DLGAP2: variants seen among roughly 807,000 people sequenced by gnomAD.
DLGAP2 encodes the protein DLG associated protein 2, also known as disks large-associated protein 2.
A neutral mutation model predicts 100.3 loss-of-function variants in DLGAP2; 26 were observed. That is an observed-to-expected ratio of 0.26 (90% confidence interval 0.19 to 0.36). The LOEUF is 0.36. DLGAP2 is among the 10% of genes least tolerant of loss of function. DLGAP2 has a pLI of 1.00. For missense variants in DLGAP2, 1,858 were observed against 1,453.2 expected, an observed-to-expected ratio of 1.28 and a Z score of -4.53; for synonymous variants, 886 against 630.1, an observed-to-expected ratio of 1.41 and a Z score of -6.08.
chr8:1,270,696 G>A (rs1402969164), intron 3 of DLGAP2, among the ~76,000 whole-genome samples: 3 of 68,544 alleles, frequency 4.4e-5, no homozygotes, highest in African/African-American at 8.3e-5. Context: ...ATGTCTCTGT[G>A]TGTGTCTCTG....
In DLGAP2 at chr8:1,549,007, T is replaced by A; in HGVS notation, c.554T>A (p.Ile185Asn). Residue 185 changes from isoleucine (I) to asparagine (N), a missense_variant, in exon 5 of 15, where the codon ATC (isoleucine) becomes AAC (asparagine). Coordinates refer to ENST00000637795, the MANE Select transcript of DLGAP2 (RefSeq NM_001346810.2). ...GCTGTGGCCCACGCGGGCGCCAAGA[T>A]CAACCGCATCCCGGCCAACCTGCTG... ...DCAVAHAGAK[I>N]NRIPANLLDQ... The A allele has an allele frequency of 1.3e-6, 2 of 1,598,454 alleles. No individual in the cohort carries two copies. The highest frequency in any genetic ancestry group is 1.7e-6 in the Non-Finnish European group (2 of 1,178,408).
At chr8:1,457,114 G>T (rs934674839) in intron 3 of DLGAP2, among the ~76,000 whole-genome samples, 1 of 152,142 alleles carries the variant, frequency 6.6e-6, no homozygotes, top group Non-Finnish European at 1.5e-5. Flanking sequence ...TATTTTATTG[G>T]AGTTGCAAGA....
At chr8:836,082 G>C (rs937055834) in intron 1 of DLGAP2, among the ~76,000 whole-genome samples, 2 of 152,196 alleles carry the variant, frequency 1.3e-5, no homozygotes, top group African/African-American at 4.8e-5. Flanking sequence ...CGCAGCCATG[G>C]AGCACAGCGG....
rs532151238 is a variant in DLGAP2 at position 1,096,696 on chromosome 8, G to C, written c.74-162155G>C. ...GCAGGCCTTCACCCTCTGTGGCATA[G>C]AGAGGTCCCCTCCAGCGTGAGACCC... On this transcript the variant is annotated intron_variant, in intron 2 of 14. Transcript: ENST00000637795. Among the ~76,000 whole-genome samples the C allele has an allele frequency of 3.7e-4, 53 of 143,924 alleles. 1 individual carries two copies. In the South Asian group the frequency reaches 0.01, roughly 28 times the overall value. 94.4% of individuals were successfully genotyped at this position (143,924 alleles called of 152,430 possible).
intron 3 of DLGAP2, among the ~76,000 whole-genome samples, chr8:1,449,751 T>C (rs946161223): frequency 1.1e-4 from 16 of 152,066 alleles, no homozygotes; most frequent in African/African-American, 1.4e-4. Flanking sequence ...AGGATGCGAA[T>C]GGGAGAGGCA....
intron 6 of DLGAP2, among the ~76,000 whole-genome samples, chr8:1,601,808 T>G (rs191746994): frequency 6.6e-6 from 1 of 152,172 alleles, no homozygotes; most frequent in Non-Finnish European, 1.5e-5. Flanking sequence ...TCTCCCTAAA[T>G]GGTTCCTCTC....
chr8:893,426 A>G lies in DLGAP2; in HGVS notation c.19-14486A>G, dbSNP rs142537201. ...TTACGTGTCGTATCTAATTTCTCAC[A>G]TTGCAAATCCATTCAATTAGATTTA... is the stretch of plus-strand genomic sequence containing the variant. On this transcript the variant is annotated intron_variant, in intron 1 of 14. Coordinates refer to ENST00000637795, the MANE Select transcript of DLGAP2 (RefSeq NM_001346810.2). 1.4e-3 allele frequency among the ~76,000 whole-genome samples: 212 copies of G among 152,322 alleles called. 3 individuals carry two copies. Among genetic ancestry groups the G allele is most frequent in the African/African-American group, 5.0e-3 (209 of 41,578 alleles).
intron 2 of DLGAP2, among the ~76,000 whole-genome samples, chr8:966,414 T>A (rs1799872546): frequency 6.6e-6 from 1 of 152,212 alleles, no homozygotes; most frequent in Non-Finnish European, 1.5e-5. Context: ...AGCTTCCATT[T>A]CAAACCAACT....
chr8:1,574,885 A>G (rs1318436344), intron 6 of DLGAP2, among the ~76,000 whole-genome samples: 1 of 152,208 alleles, frequency 6.6e-6, no homozygotes, highest in South Asian at 2.1e-4. Context: ...AAGCATTGAG[A>G]AAATACCTAA....
chr8:1,495,356 A>G (rs776480994), intron 3 of DLGAP2, among the ~76,000 whole-genome samples: 1 of 152,182 alleles, frequency 6.6e-6, no homozygotes, highest in Non-Finnish European at 1.5e-5. Context: ...GAGGCAGCCG[A>G]GGACGTTTAC....
chr8:1,315,925 G>A lies in DLGAP2; in HGVS notation c.106+57042G>A, dbSNP rs1406952398. Reference sequence around the variant, plus strand: ...CAGCTTTTAAAAATAGAGCGTGTGCGAGTGCAGCCTCTCTCCAACAGTGGT... The same window carrying A: ...CAGCTTTTAAAAATAGAGCGTGTGCAAGTGCAGCCTCTCTCCAACAGTGGT... On this transcript the variant is annotated intron_variant, in intron 3 of 14. Coordinates refer to ENST00000637795, the MANE Select transcript of DLGAP2 (RefSeq NM_001346810.2). Among the ~76,000 whole-genome samples, 9 of 133,614 alleles carry A rather than the reference G, an allele frequency of 6.7e-5. 2 individuals are homozygous for A. The South Asian group carries it at 1.0e-3, about 15-fold the overall frequency. The allele number at this position is 133,614 out of a possible 152,430, so 87.7% of individuals were successfully genotyped here. A position where few individuals can be genotyped will look rare whatever the true frequency, so the allele number is the denominator to read the frequency against.
chr8:1,451,000 A>G (rs1416318602), intron 3 of DLGAP2, among the ~76,000 whole-genome samples: 1 of 152,134 alleles, frequency 6.6e-6, no homozygotes, highest in Non-Finnish European at 1.5e-5. Flanking sequence ...AGGGAGTCCC[A>G]GGGTCACCGA....
chr8:793,352 C>T (rs1445805870), intron 1 of DLGAP2, among the ~76,000 whole-genome samples: 1 of 152,132 alleles, frequency 6.6e-6, no homozygotes, highest in Admixed American at 6.5e-5. Context: ...AATTCTAATC[C>T]TGTTGTCTTT....
At chr8:1,284,974 C>A (rs1166600130) in intron 3 of DLGAP2, among the ~76,000 whole-genome samples, 1 of 152,230 alleles carries the variant, frequency 6.6e-6, no homozygotes, top group East Asian at 1.9e-4. Context: ...TCAAAGCCAG[C>A]AAATGCCAGG....
chr8:1,003,845 G>C (rs991644549), intron 2 of DLGAP2, among the ~76,000 whole-genome samples: 2 of 152,160 alleles, frequency 1.3e-5, no homozygotes, highest in African/African-American at 4.8e-5. Context: ...ATGATGACAT[G>C]ACATTCTATC....
At chr8:988,826 C>G (rs996856091) in intron 2 of DLGAP2, among the ~76,000 whole-genome samples, 2 of 152,186 alleles carry the variant, frequency 1.3e-5, no homozygotes, top group Non-Finnish European at 2.9e-5. Flanking sequence ...TTTTCTGCAT[C>G]ATTTCCAAGC....
At chr8:1,387,377 C>T (rs1326155531) in intron 3 of DLGAP2, among the ~76,000 whole-genome samples, 3 of 151,900 alleles carry the variant, frequency 2.0e-5, no homozygotes, top group Non-Finnish European at 4.4e-5. Context: ...GAGTAGAAAC[C>T]CTGAATTGGG....
At chr8:1,666,980 C>T (rs1424295891) in intron 8 of DLGAP2, among the ~76,000 whole-genome samples, 1 of 152,214 alleles carries the variant, frequency 6.6e-6, no homozygotes, top group African/African-American at 2.4e-5. Flanking sequence ...TCTGTCCTCA[C>T]AGACGGCGCT....
At chr8:1,383,498 G>A (rs751150314) in intron 3 of DLGAP2, among the ~76,000 whole-genome samples, 13 of 152,306 alleles carry the variant, frequency 8.5e-5, no homozygotes, top group East Asian at 1.9e-4. Flanking sequence ...ATAGGCCTTC[G>A]CTCAAGGAGG....
Sources: allele counts gnomAD v4.1 joint callset (sites outside exome capture counted in the v4.1 genomes callset), GRCh38; gene constraint gnomAD v4.1.1; transcripts MANE v1.5; gene names NCBI Gene and HGNC (gene_info 2026-07-23, HGNC 2026-07-21).